The following FLT1 variants were observed in gnomAD, a reference collection of about 807,000 sequenced individuals.
FLT1 encodes the protein fms related receptor tyrosine kinase 1.
Under a neutral mutation model 156.3 loss-of-function variants are expected in FLT1, and 49 were observed. That is an observed-to-expected ratio of 0.31 (90% CI 0.25 to 0.40). The LOEUF (loss-of-function observed/expected upper bound fraction) is 0.40. Among genes scored for constraint, FLT1 ranks in the 10% least tolerant of loss-of-function variants. The pLI is 1.00. For missense variants in FLT1, 1,322 were observed against 1,637.2 expected, an observed-to-expected ratio of 0.81 and a Z score of 3.32; for synonymous variants, 594 against 583.8, an observed-to-expected ratio of 1.02 and a Z score of -0.25.
intron 9 of FLT1, 72 bp from the exon 10 acceptor site, chr13:28,427,390 AG>A: frequency 1.5e-6 from 2 of 1,360,338 alleles, no homozygotes; most frequent in Non-Finnish European, 2.1e-6. Flanking sequence ...CCACACATGA[AG>A]GACCACATTC....
chr13:28,316,762 C>T (rs187266339), intron 25 of FLT1, among the ~76,000 whole-genome samples: 158 of 151,840 alleles, frequency 1.0e-3, no homozygotes, highest in African/African-American at 3.4e-3. Context: ...CCTCAGCCTC[C>T]CAAGTAGCTG....
intron 11 of FLT1, among the ~76,000 whole-genome samples, chr13:28,401,141 G>A (rs1297563493): frequency 1.3e-5 from 2 of 152,090 alleles, no homozygotes; most frequent in Admixed American, 6.6e-5. Flanking sequence ...CAGGAGAATC[G>A]CTTGAACATG....
chr13:28,305,646 C>T (rs1870712557), intron 29 of FLT1, among the ~76,000 whole-genome samples: 1 of 152,196 alleles, frequency 6.6e-6, no homozygotes, highest in South Asian at 2.1e-4. Context: ...GATGTATTGT[C>T]TACGGTTGCT....
At chr13:28,365,360 T>C (rs957615987) in intron 14 of FLT1, among the ~76,000 whole-genome samples, 20 of 146,544 alleles carry the variant, frequency 1.4e-4, no homozygotes, top group Admixed American at 2.7e-4. Context: ...TAGAACTCCC[T>C]TTTTTTTTTT....
At chr13:28,340,323 A>G (rs1872285664) in intron 16 of FLT1, among the ~76,000 whole-genome samples, 1 of 152,218 alleles carries the variant, frequency 6.6e-6, no homozygotes, top group East Asian at 1.9e-4. Flanking sequence ...ATGTCAAGTG[A>G]GTAAGGCAGA....
intron 10 of FLT1, among the ~76,000 whole-genome samples, chr13:28,407,208 A>G (rs1334362276): frequency 1.3e-5 from 2 of 152,138 alleles, no homozygotes; most frequent in African/African-American, 2.4e-5. Flanking sequence ...GACAGGCACA[A>G]GGTACCCGAA....
Position 28,427,876 on chromosome 13 carries a change from C to G in FLT1, c.1152G>C (p.Leu384Phe), listed in dbSNP as rs1877443282. The G allele has an allele frequency of 1.9e-6, 3 of 1,613,980 alleles. No homozygotes were observed. The highest frequency in any genetic ancestry group is 2.5e-6 in the Non-Finnish European group (3 of 1,179,894). ...TGATAATTAACGAGTAGCCACGAGT[C>G]AAATAGCGAGCAGATTTCTCAGTCG... ...LPATEKSARY[L>F]TRGYSLIIKD... The change falls in exon 9 of 30, where the codon TTG becomes TTC. Residue 384 changes from leucine to phenylalanine, a missense_variant. By Grantham distance (22) the Leu-to-Phe change is conservative. Around this residue, in one of 3 missense-constraint regions of FLT1, gnomAD observed 991 missense variants for 1,254.8 expected, o/e 0.79. Transcript: ENST00000282397.
At chr13:28,468,277 A>C (rs1469204920) in intron 1 of FLT1, among the ~76,000 whole-genome samples, 1 of 152,216 alleles carries the variant, frequency 6.6e-6, no homozygotes, top group East Asian at 1.9e-4. Flanking sequence ...GTCAAAAGGG[A>C]ACTGTTCACA....
At chr13:28,452,989 T>C (rs1879037267) in intron 3 of FLT1, among the ~76,000 whole-genome samples, 1 of 116,932 alleles carries the variant, frequency 8.6e-6, no homozygotes, top group South Asian at 3.2e-4. Flanking sequence ...CCTGGTGCTA[T>C]ATATTTCTTC....
chr13:28,427,225 T>C lies in FLT1; in HGVS notation c.1370A>G (p.Tyr457Cys), dbSNP rs747317708. Reference protein sequence around the residue: ...GSRQILTCTAYGIPQPTIKWF... With the variant: ...GSRQILTCTACGIPQPTIKWF... The stretch of plus-strand genomic sequence containing the variant: ...CTTGATTGTAGGTTGAGGGATACCA[T>C]ATGCGGTACAAGTCAGGATTTGTCT... The change falls in exon 10 of 30, where the codon TAT (tyrosine) becomes TGT (cysteine). Residue 457 changes from tyrosine (Y) to cysteine (C), a missense_variant. Tyr to Cys is a radical substitution (Grantham distance 194). Transcript: ENST00000282397. 3.7e-6 allele frequency: 6 copies of C among 1,614,026 alleles called. No homozygotes were observed. Among genetic ancestry groups the C allele is most frequent in the Non-Finnish European group, 5.1e-6 (6 of 1,179,906 alleles).
intron 17 of FLT1, among the ~76,000 whole-genome samples, chr13:28,337,895 G>C (rs1260646020): frequency 6.6e-6 from 1 of 152,162 alleles, no homozygotes; most frequent in Non-Finnish European, 1.5e-5. Context: ...CGTGATTGTG[G>C]GAAAATTATC....
At position 28,308,909 on chromosome 13, in the gene FLT1, C is replaced by T. The variant is rs967383568; in HGVS notation, c.3654G>A (p.Lys1218=). The T allele has an allele frequency of 1.2e-6, 2 of 1,608,036 alleles. No individual in the cohort carries two copies. Among genetic ancestry groups the T allele is most frequent in the Non-Finnish European group, 1.7e-6 (2 of 1,174,328 alleles). ...TTTTGATTCTTTCCAGGCTCATGAA[C>T]TTGAAAGCATTTACGTATCTAATGA... ...SDDVRYVNAF[K]FMSLERIKTF... The change falls in exon 28 of 30, where the codon AAG becomes AAA. Residue 1218 remains lysine (K), a synonymous_variant. Transcript: ENST00000282397.
At chr13:28,324,328 G>T (rs112492688) in intron 20 of FLT1, among the ~76,000 whole-genome samples, 3 of 152,092 alleles carry the variant, frequency 2.0e-5, no homozygotes. Flanking sequence ...GGATTAACCC[G>T]CGTACCCCAT....
chr13:28,486,621 G>T (rs548658101), intron 1 of FLT1, among the ~76,000 whole-genome samples: 1 of 100,902 alleles, frequency 9.9e-6, no homozygotes, highest in African/African-American at 2.9e-5. Flanking sequence ...TAGTCTAGAC[G>T]GGCAATTCAC....
chr13:28,352,370 A>G (rs566061648), intron 15 of FLT1, among the ~76,000 whole-genome samples: 10 of 152,210 alleles, frequency 6.6e-5, no homozygotes, highest in East Asian at 1.9e-4. Context: ...GATATTAATT[A>G]CATGGTCCCA....
chr13:28,372,099 T>G (rs1873629311), intron 14 of FLT1, among the ~76,000 whole-genome samples: 2 of 97,914 alleles, frequency 2.0e-5, no homozygotes, highest in East Asian at 6.8e-4. Flanking sequence ...TTTTTTTTTT[T>G]GAGACAGAGT....
chr13:28,449,670 G>A (rs1878818609), intron 3 of FLT1, among the ~76,000 whole-genome samples: 1 of 152,152 alleles, frequency 6.6e-6, no homozygotes, highest in South Asian at 2.1e-4. Context: ...AAGTCATTGT[G>A]TTTCAGACTC....
intron 3 of FLT1, among the ~76,000 whole-genome samples, chr13:28,445,629 C>T (rs1012466717): frequency 4.6e-5 from 7 of 151,964 alleles, no homozygotes; most frequent in Admixed American, 1.3e-4. Flanking sequence ...AATTAGACAA[C>T]CCAAGCAGAC....
intron 7 of FLT1, among the ~76,000 whole-genome samples, chr13:28,430,518 C>T (rs890006791): frequency 2.6e-5 from 4 of 152,114 alleles, no homozygotes; most frequent in African/African-American, 9.7e-5. Context: ...TTGCTCTGTA[C>T]ACCCTAAAAC....
Sources: gnomAD v4.1 joint callset for allele counts (sites outside exome capture counted in the v4.1 genomes callset) on GRCh38, gnomAD v4.1.1 for gene constraint, gnomAD v4.1.1 regional missense constraint, MANE v1.5 for transcripts, NCBI Gene and HGNC (gene_info 2026-07-23, HGNC 2026-07-21) for gene names.